Variants in SLC35H1 observed in about 807,000 individuals in gnomAD.
SLC35H1 encodes solute carrier family 35 member H1.
At chr20:46,358,755 CAAGGTCTGCTGCTGGGGAAA>C in the SLC35H1 span, 1 of 1,534,146 alleles carries the variant, frequency 6.5e-7, no homozygotes, top group Non-Finnish European at 8.8e-7. Flanking sequence ...TCACAGGTCC[CAAGGTCTGCTGCTGGGGAAA>C]AAGGGCCGCT....
chr20:46,355,002 C>T, the SLC35H1 span: 106 of 1,613,696 alleles, frequency 6.6e-5, no homozygotes, highest in Middle Eastern at 1.6e-4. The surrounding 1 kb of genome is among the most constrained non-coding windows in gnomAD (Gnocchi z 4.8). Context: ...AGGTCTGGTC[C>T]GGCCCTGCCC....
chr20:46,360,305 T>G, the SLC35H1 span, among the ~76,000 whole-genome samples: 2 of 152,134 alleles, frequency 1.3e-5, no homozygotes, highest in African/African-American at 4.8e-5. Context: ...ACCAAAAGTG[T>G]CCATTCTGGA....
chr20:46,358,240 T>C, the SLC35H1 span: 2 of 751,098 alleles, frequency 2.7e-6, no homozygotes, highest in Admixed American at 4.8e-5. Context: ...ACGGCAGGCT[T>C]GGAGGGCCCT....
the SLC35H1 span, chr20:46,356,682 C>G: frequency 6.3e-7 from 1 of 1,590,842 alleles, no homozygotes; most frequent in Non-Finnish European, 8.6e-7. Context: ...GAGGTCCACA[C>G]TCTGCTGGGG....
chr20:46,358,309 T>C, the SLC35H1 span: 1 of 1,332,634 alleles, frequency 7.5e-7, no homozygotes, highest in African/African-American at 1.4e-5. Flanking sequence ...TGCCTTCCTG[T>C]TAAACATGAA....
the SLC35H1 span, among the ~76,000 whole-genome samples, chr20:46,353,453 ACTGGG>A: frequency 6.6e-6 from 1 of 152,178 alleles, no homozygotes; most frequent in Non-Finnish European, 1.5e-5. Context: ...GGGGCCCAGA[ACTGGG>A]CACAAGAGAC....
chr20:46,356,122 G>A, the SLC35H1 span, among the ~76,000 whole-genome samples: 1 of 152,214 alleles, frequency 6.6e-6, no homozygotes, highest in African/African-American at 2.4e-5. Context: ...CCTCGGCAGA[G>A]CCCAGGAGCG....
chr20:46,346,647 G>A, the SLC35H1 span: 1 of 152,154 alleles, frequency 6.6e-6, no homozygotes, highest in Non-Finnish European at 1.5e-5. Flanking sequence ...AAAATGCTGT[G>A]GCGTAAAGCC....
At chr20:46,355,695 G>T in the SLC35H1 span, 1 of 1,531,416 alleles carries the variant, frequency 6.5e-7, no homozygotes. This position sits in a 1 kb window ranked among gnomAD's most constrained non-coding sequence, Gnocchi z 4.8. Context: ...CACCTGGACT[G>T]GGCTTGTCTC....
the SLC35H1 span, chr20:46,350,315 A>T: frequency 5.4e-6 from 8 of 1,491,214 alleles, no homozygotes; most frequent in South Asian, 1.1e-4. Flanking sequence ...TACCATGATG[A>T]GCCCTGGCGG....
the SLC35H1 span, among the ~76,000 whole-genome samples, chr20:46,361,835 T>C: frequency 6.6e-6 from 1 of 152,202 alleles, no homozygotes; most frequent in Non-Finnish European, 1.5e-5. Flanking sequence ...TTCTGAGCAC[T>C]CTTCCCTCAT....
the SLC35H1 span, chr20:46,363,223 C>G: frequency 6.6e-6 from 1 of 152,254 alleles, no homozygotes; most frequent in Non-Finnish European, 1.5e-5. Flanking sequence ...TCAACTCAAT[C>G]TATAAAAATT....
chr20:46,355,504 C>T, the SLC35H1 span: 1 of 620,088 alleles, frequency 1.6e-6, no homozygotes, highest in Non-Finnish European at 2.8e-6. This position sits in a 1 kb window ranked among gnomAD's most constrained non-coding sequence, Gnocchi z 4.8. Context: ...GGTCCCACCT[C>T]CTCCCTGGGC....
chr20:46,353,717 C>T, the SLC35H1 span, among the ~76,000 whole-genome samples: 3 of 152,188 alleles, frequency 2.0e-5, no homozygotes, highest in South Asian at 6.2e-4. Flanking sequence ...ATCCATGCAG[C>T]TTTGCCAAGT....
the SLC35H1 span, chr20:46,358,744 C>T: frequency 3.7e-5 from 57 of 1,543,262 alleles, no homozygotes; most frequent in Non-Finnish European, 4.7e-5. Flanking sequence ...GGATGCAGCG[C>T]TCACAGGTCC....
At chr20:46,358,724 A>G in the SLC35H1 span, 2 of 1,550,206 alleles carry the variant, frequency 1.3e-6, no homozygotes, top group Non-Finnish European at 1.7e-6. Flanking sequence ...GACCCTTCCC[A>G]TGGTTAATTG....
At chr20:46,358,443 G>A in the SLC35H1 span, 5 of 1,614,222 alleles carry the variant, frequency 3.1e-6, no homozygotes, top group Admixed American at 3.3e-5. Context: ...TAGTAGAGAA[G>A]CACCAGCCCC....
chr20:46,350,961 G>A, the SLC35H1 span: 1 of 1,584,710 alleles, frequency 6.3e-7, no homozygotes. Flanking sequence ...AGGGTGGAAG[G>A]TGGGGGCACT....
chr20:46,352,760 CGGGATGATGGAGATCCTAGT>C, the SLC35H1 span: 1 of 153,216 alleles, frequency 6.5e-6, no homozygotes, highest in Non-Finnish European at 1.4e-5. Context: ...GAGATCCTAG[CGGGATGATGGAGATCCTAGT>C]GGGATGATGG....
Sources: allele counts gnomAD v4.1 joint callset (sites outside exome capture counted in the v4.1 genomes callset), GRCh38; gene constraint gnomAD v4.1.1; non-coding constraint Gnocchi (gnomAD v3.1); transcripts MANE v1.5; gene names NCBI Gene and HGNC (gene_info 2026-07-23, HGNC 2026-07-21).